The following ZEB1 variants were observed in gnomAD, a reference collection of about 807,000 sequenced individuals.
ZEB1 encodes zinc finger E-box binding homeobox 1.
A neutral mutation model predicts 84.9 loss-of-function variants in ZEB1; 21 were observed. The ratio of observed to expected loss-of-function variants is 0.25; its 90% confidence interval spans 0.18 to 0.36. The LOEUF (loss-of-function observed/expected upper bound fraction) is 0.36. ZEB1 is among the 10% of genes least tolerant of loss of function. The pLI, the probability that ZEB1 is intolerant of heterozygous loss-of-function variation, is 1.00. For missense variants in ZEB1, 1,104 were observed against 1,330.2 expected (o/e 0.83, Z 2.65); for synonymous variants, 420 against 471.1 (o/e 0.89, Z 1.41).
intron 2 of ZEB1, among the ~76,000 whole-genome samples, chr10:31,468,682 C>T (rs1282139389): frequency 6.6e-6 from 1 of 152,162 alleles, no homozygotes; most frequent in Non-Finnish European, 1.5e-5. Flanking sequence ...GGAATTTATA[C>T]AGAGCCTTGG....
Position 31,528,233 on chromosome 10 carries a change from T to A in ZEB1, c.*969T>A, listed in dbSNP as rs899686437. On this transcript the variant is annotated 3_prime_UTR_variant, in exon 9 of 9. Transcript: ENST00000424869. ...CTAGCATTTGTTGATTTGTCTCTTG[T>A]ATCAAAATTCCCAAATAAAACTTAA... is the stretch of plus-strand genomic sequence containing the variant. 2.0e-5 allele frequency: 3 copies of A among 152,218 alleles called. No homozygotes were observed. Among genetic ancestry groups the A allele is most frequent in the African/African-American group, 7.2e-5 (3 of 41,468 alleles). 9.4% of individuals were successfully genotyped at this position (152,218 alleles called of 1,614,324 possible). A position where few individuals can be genotyped will look rare whatever the true frequency, so the allele number is the denominator to read the frequency against.
At chr10:31,431,678 C>A (rs2057730994) in intron 1 of ZEB1, among the ~76,000 whole-genome samples, 1 of 152,070 alleles carries the variant, frequency 6.6e-6, no homozygotes, top group Non-Finnish European at 1.5e-5. Flanking sequence ...TACTAATTCA[C>A]TCAAGATAAA....
chr10:31,406,697 T>A (rs1044360806), intron 1 of ZEB1, among the ~76,000 whole-genome samples: 4 of 152,234 alleles, frequency 2.6e-5, no homozygotes, highest in Non-Finnish European at 5.9e-5. Flanking sequence ...TTTAGTTTAA[T>A]TACATTCATT....
At chr10:31,467,901 C>T (rs2062643167) in intron 2 of ZEB1, among the ~76,000 whole-genome samples, 1 of 152,140 alleles carries the variant, frequency 6.6e-6, no homozygotes, top group African/African-American at 2.4e-5. Context: ...GCATGGCAGT[C>T]TGGGCACAGG....
chr10:31,433,248 C>A (rs2057935416), intron 1 of ZEB1, among the ~76,000 whole-genome samples: 1 of 152,144 alleles, frequency 6.6e-6, no homozygotes, highest in South Asian at 2.1e-4. Flanking sequence ...TTGACACATT[C>A]CATTTTACCC....
intron 2 of ZEB1, among the ~76,000 whole-genome samples, chr10:31,489,945 G>GT (rs200922811): frequency 0.011 from 1,608 of 151,222 alleles, 28 homozygotes; most frequent in African/African-American, 0.037. Context: ...TTTTACCTTC[G>GT]TTTTTTAAAG....
intron 1 of ZEB1, among the ~76,000 whole-genome samples, chr10:31,335,441 A>T (rs887928126): frequency 2.0e-5 from 3 of 152,204 alleles, no homozygotes; most frequent in African/African-American, 7.2e-5. Context: ...AAAGTAACCC[A>T]TCATAACCAA....
At chr10:31,509,976 T>C (rs867132748) in intron 4 of ZEB1, among the ~76,000 whole-genome samples, 59 of 152,314 alleles carry the variant, frequency 3.9e-4, no homozygotes, top group Middle Eastern at 3.4e-3. Flanking sequence ...TATACAGTTA[T>C]ATAGCAGATT....
chr10:31,508,822 C>T (rs535122503), intron 4 of ZEB1, among the ~76,000 whole-genome samples: 95 of 152,206 alleles, frequency 6.2e-4, no homozygotes, highest in African/African-American at 2.0e-3. Context: ...GGGAAATGTG[C>T]GCTTTAGCCC....
At chr10:31,336,391 G>A (rs1211037644) in intron 1 of ZEB1, among the ~76,000 whole-genome samples, 1 of 152,074 alleles carries the variant, frequency 6.6e-6, no homozygotes, top group South Asian at 2.1e-4. Context: ...AGAGAAACCA[G>A]TGGAAGGATT....
chr10:31,391,440 G>C lies in ZEB1; in HGVS notation c.59-69597G>C, dbSNP rs544172789. 6.1e-4 allele frequency among the ~76,000 whole-genome samples: 93 copies of C among 152,170 alleles called. 1 individual carries two copies. Among genetic ancestry groups the C allele is most frequent in the Admixed American group, 5.8e-3 (89 of 15,256 alleles). ...GAGTTGGTGGTGATGGTGGAGTTGG[G>C]ATGAGGGAGACAATTTACTGTCATT... On this transcript the variant is annotated intron_variant, in intron 1 of 8. Transcript: ENST00000424869.
chr10:31,514,522 A>G (rs1344039430), intron 5 of ZEB1, 81 bp from the exon 6 acceptor site: 1 of 1,277,138 alleles, frequency 7.8e-7, no homozygotes, highest in Admixed American at 1.9e-5. Context: ...GCTCACAAAA[A>G]TGTCACTCTT....
At chr10:31,386,454 CT>C (rs1295731476) in intron 1 of ZEB1, among the ~76,000 whole-genome samples, 3 of 151,888 alleles carry the variant, frequency 2.0e-5, no homozygotes, top group Non-Finnish European at 4.4e-5. Flanking sequence ...TAAGTTTCAC[CT>C]TAAGAATATT....
chr10:31,358,199 A>G (rs181423663), intron 1 of ZEB1: 5 of 152,306 alleles, frequency 3.3e-5, no homozygotes, highest in Admixed American at 3.3e-4. Context: ...AGATGTGGAT[A>G]TAGAAATCCA....
chr10:31,475,218 GAAAAA>G (rs201712107), intron 2 of ZEB1, among the ~76,000 whole-genome samples: 5 of 138,624 alleles, frequency 3.6e-5, no homozygotes, highest in African/African-American at 5.1e-5. Flanking sequence ...AATAATAAAA[GAAAAA>G]AAAAAACAAA....
chr10:31,408,960 C>G (rs1384360258), intron 1 of ZEB1, among the ~76,000 whole-genome samples: 1 of 150,358 alleles, frequency 6.7e-6, no homozygotes, highest in Non-Finnish European at 1.5e-5. Context: ...GAACAGGCAA[C>G]CTACAAAATG....
intron 1 of ZEB1, among the ~76,000 whole-genome samples, chr10:31,454,128 C>A (rs565165803): frequency 6.6e-6 from 1 of 152,272 alleles, no homozygotes; most frequent in African/African-American, 2.4e-5. Flanking sequence ...CAAACGTAAT[C>A]CATTGTATAA....
At chr10:31,466,123 A>T (rs1470884844) in intron 2 of ZEB1, among the ~76,000 whole-genome samples, 2 of 152,360 alleles carry the variant, frequency 1.3e-5, no homozygotes, top group East Asian at 3.9e-4. Flanking sequence ...GCACATAAAT[A>T]TGTAAAGAAA....
chr10:31,320,617 AAAAG>A (rs1448411503), intron 1 of ZEB1: 1 of 152,234 alleles, frequency 6.6e-6, no homozygotes, highest in Non-Finnish European at 1.5e-5. Context: ...GAGTTAAAAA[AAAAG>A]AGAGACAGCC....
Sources: gnomAD v4.1 joint callset for allele counts (sites outside exome capture counted in the v4.1 genomes callset) on GRCh38, gnomAD v4.1.1 for gene constraint, MANE v1.5 for transcripts, NCBI Gene and HGNC (gene_info 2026-07-23, HGNC 2026-07-21) for gene names.